THTPA: variants seen among roughly 807,000 people sequenced by gnomAD.
The protein encoded by THTPA is thiamine-triphosphatase.
A neutral mutation model predicts 16.5 loss-of-function variants in THTPA; 16 were observed. The observed-to-expected ratio is 0.97, with a 90% CI of 0.66 to 1.47. The LOEUF (loss-of-function observed/expected upper bound fraction) is 1.47, where lower values mean the gene tolerates loss of function less well. THTPA is among the 40% of genes most tolerant of loss of function. The pLI is 0.00. For missense variants in THTPA, 281 were observed against 280.9 expected (o/e 1.00, Z 0.00); for synonymous variants, 110 against 115.5 (o/e 0.95, Z 0.30).
At chr14:23,512,399 C>G in the THTPA span, among the ~76,000 whole-genome samples, 1 of 151,806 alleles carries the variant, frequency 6.6e-6, no homozygotes, top group African/African-American at 2.4e-5. Flanking sequence ...GCCCTGGGAA[C>G]TGGGGCTGTG....
At chr14:23,523,307 A>C in the THTPA span, 2 of 1,448,848 alleles carry the variant, frequency 1.4e-6, no homozygotes, top group African/African-American at 2.9e-5. This position sits in a 1 kb window ranked among gnomAD's most constrained non-coding sequence, Gnocchi z 4.1. Flanking sequence ...CCCGAGGGGC[A>C]TGGAGGCAGG....
chr14:23,532,466 T>C, the THTPA span: 143 of 1,358,982 alleles, frequency 1.1e-4, no homozygotes, highest in East Asian at 3.6e-3. Flanking sequence ...TTTTCTCCAT[T>C]TGTCACCCAG....
chr14:23,532,545 G>C, the THTPA span: 1 of 1,427,898 alleles, frequency 7.0e-7, no homozygotes, highest in Non-Finnish European at 9.1e-7. Context: ...TCTTCCGATG[G>C]CCCTTCCTGA....
chr14:23,516,681 A>G, the THTPA span, among the ~76,000 whole-genome samples: 2 of 152,198 alleles, frequency 1.3e-5, no homozygotes, highest in Admixed American at 1.3e-4. Context: ...TGGGTCCTGG[A>G]GGCAGGCCTG....
chr14:23,548,456 G>C, the THTPA span: 4 of 152,092 alleles, frequency 2.6e-5, no homozygotes, highest in East Asian at 7.7e-4. Flanking sequence ...TTCCTGTATG[G>C]GTCTCAAGGT....
At chr14:23,554,535 C>A (rs1403231375), upstream of THTPA, among the ~76,000 whole-genome samples, 3 of 150,246 alleles carry the variant, frequency 2.0e-5, no homozygotes, top group Non-Finnish European at 4.4e-5. Context: ...CACTACCACA[C>A]CCGGCTAATT....
At chr14:23,526,530 C>T in the THTPA span, 2 of 1,535,922 alleles carry the variant, frequency 1.3e-6, no homozygotes, top group African/African-American at 1.4e-5. Flanking sequence ...GCTACGTCTT[C>T]AGCTTGGGCA....
At chr14:23,512,704 AT>A in the THTPA span, 1 of 150,508 alleles carries the variant, frequency 6.6e-6, no homozygotes, top group African/African-American at 2.5e-5. Flanking sequence ...GCTTTAAAAA[AT>A]ATATATGTGT....
the THTPA span, chr14:23,525,402 G>A: frequency 5.9e-6 from 9 of 1,536,114 alleles, no homozygotes; most frequent in South Asian, 1.2e-5. The surrounding 1 kb of genome is among the most constrained non-coding windows in gnomAD (Gnocchi z 5.9). Context: ...GCAGCATAAC[G>A]GCTCAGGGCT....
the THTPA span, chr14:23,530,252 C>A: frequency 7.6e-7 from 1 of 1,314,342 alleles, no homozygotes; most frequent in Non-Finnish European, 1.1e-6. Context: ...GAAGGGAGGA[C>A]ATAGGACAGA....
chr14:23,551,864 G>A (rs1247958522), upstream of THTPA, among the ~76,000 whole-genome samples: 1 of 152,126 alleles, frequency 6.6e-6, no homozygotes, highest in African/African-American at 2.4e-5. The surrounding 1 kb of genome is among the most constrained non-coding windows in gnomAD (Gnocchi z 5.3). Context: ...GCGCCCGCCC[G>A]CCTGCCTCGC....
At chr14:23,526,702 C>T in the THTPA span, 1 of 1,535,836 alleles carries the variant, frequency 6.5e-7, no homozygotes, top group Non-Finnish European at 8.7e-7. Flanking sequence ...GAAGAAAGTA[C>T]AATGAGGAGG....
upstream of THTPA, chr14:23,556,116 C>A (rs764485965): frequency 6.5e-6 from 1 of 152,744 alleles, no homozygotes; most frequent in Non-Finnish European, 1.5e-5. Flanking sequence ...CCCTGGCCAC[C>A]GCGGGGGTCG....
At chr14:23,523,088 G>A in the THTPA span, 1 of 1,400,662 alleles carries the variant, frequency 7.1e-7, no homozygotes, top group Non-Finnish European at 9.2e-7. This position sits in a 1 kb window ranked among gnomAD's most constrained non-coding sequence, Gnocchi z 4.1. Flanking sequence ...AGAGCCTGAT[G>A]CAAAGGAAGG....
the THTPA span, chr14:23,524,024 A>G: frequency 2.0e-6 from 3 of 1,515,562 alleles, no homozygotes; most frequent in African/African-American, 1.4e-5. The surrounding 1 kb of genome is among the most constrained non-coding windows in gnomAD (Gnocchi z 5.6). Context: ...CCCAGAAGCA[A>G]GCGTGGCAGT....
At chr14:23,517,864 G>T in the THTPA span, among the ~76,000 whole-genome samples, 1 of 152,070 alleles carries the variant, frequency 6.6e-6, no homozygotes, top group Non-Finnish European at 1.5e-5. Flanking sequence ...CAGGTGAGTT[G>T]TTACACACTC....
upstream of THTPA, among the ~76,000 whole-genome samples, chr14:23,553,988 C>T (rs918685771): frequency 1.8e-4 from 26 of 142,934 alleles, no homozygotes; most frequent in African/African-American, 6.6e-4. Context: ...CATTTGAACC[C>T]AGGAGGCAGA....
the THTPA span, chr14:23,522,195 G>A: frequency 6.7e-7 from 1 of 1,489,158 alleles, no homozygotes; most frequent in Non-Finnish European, 8.9e-7. Context: ...GCCAGGCAGT[G>A]GTAGGTGCAG....
the THTPA span, among the ~76,000 whole-genome samples, chr14:23,550,907 C>T: frequency 6.6e-6 from 1 of 152,006 alleles, no homozygotes; most frequent in Non-Finnish European, 1.5e-5. Flanking sequence ...GGGGGGCCGC[C>T]GAGACCCAGG....
Sources: allele counts gnomAD v4.1 joint callset (sites outside exome capture counted in the v4.1 genomes callset), GRCh38; gene constraint gnomAD v4.1.1; non-coding constraint Gnocchi (gnomAD v3.1); transcripts MANE v1.5; gene names NCBI Gene and HGNC (gene_info 2026-07-23, HGNC 2026-07-21).